B4GALT6: variants seen among roughly 807,000 people sequenced by gnomAD.
The protein encoded by B4GALT6 is beta-1,4-galactosyltransferase 6, also known as UDP-Gal:beta-GlcNAc beta-1,4-galactosyltransferase 6.
In B4GALT6, 14 loss-of-function variants were observed where a neutral mutation model predicts 46.3. That is an observed-to-expected ratio of 0.30 (90% CI 0.20 to 0.47). B4GALT6 has a LOEUF of 0.47. B4GALT6 is among the 20% of genes least tolerant of loss of function. The pLI, the probability that B4GALT6 is intolerant of heterozygous loss-of-function variation, is 0.99. For synonymous variants in B4GALT6, 168 were observed against 162.0 expected (o/e 1.04, Z -0.28); for missense variants, 386 against 480.1 (o/e 0.80, Z 1.83).
chr18:31,684,874 G>T (rs2074527480), upstream of B4GALT6, among the ~76,000 whole-genome samples: 3 of 149,876 alleles, frequency 2.0e-5, no homozygotes, highest in Non-Finnish European at 4.5e-5. Flanking sequence ...GCCCGGCGGG[G>T]TCCCGCCGCG....
At chr18:31,662,125 T>C (rs2074224597) in intron 2 of B4GALT6, among the ~76,000 whole-genome samples, 3 of 152,192 alleles carry the variant, frequency 2.0e-5, no homozygotes, top group Admixed American at 1.3e-4. Context: ...AATGACTGAA[T>C]CACAAGAGTA....
At chr18:31,628,733 C>T (rs1598863263) in intron 6 of B4GALT6, among the ~76,000 whole-genome samples, 1 of 152,170 alleles carries the variant, frequency 6.6e-6, no homozygotes, top group Admixed American at 6.5e-5. Flanking sequence ...CCAGACCAGG[C>T]CTTGATCTAC....
At chr18:31,664,313 T>C (rs538689156) in intron 2 of B4GALT6, among the ~76,000 whole-genome samples, 2 of 152,360 alleles carry the variant, frequency 1.3e-5, no homozygotes, top group East Asian at 1.9e-4. Context: ...GAAAGCCTCA[T>C]GTGTTTAAAC....
rs571922484 is a variant in B4GALT6 at position 31,657,790 on chromosome 18, C to A, written c.346+186G>T. Among the ~76,000 whole-genome samples, 3 of 152,218 alleles carry A rather than the reference C, an allele frequency of 2.0e-5. No homozygotes were observed. In the East Asian group the frequency reaches 5.8e-4, roughly 29 times the overall value. On this transcript the variant is annotated intron_variant, in intron 3 of 8. Coordinates refer to ENST00000306851, the MANE Select transcript of B4GALT6 (RefSeq NM_004775.5). ...TATTTTTCTTCAGCTTTTCAATCAT[C>A]CCCCTTCAAAATGCGCTTTGCCAAA...
chr18:31,699,090 A>G, the B4GALT6 span, among the ~76,000 whole-genome samples: 1 of 151,900 alleles, frequency 6.6e-6, no homozygotes, highest in Admixed American at 6.6e-5. Flanking sequence ...AAAAAAAAAA[A>G]AAAAGAAAGA....
upstream of B4GALT6, among the ~76,000 whole-genome samples, chr18:31,687,964 A>G (rs1247937638): frequency 1.3e-5 from 2 of 152,100 alleles, no homozygotes; most frequent in Non-Finnish European, 2.9e-5. Context: ...AAAAATATCT[A>G]ATTTTTTTCA....
chr18:31,710,039 G>A, the B4GALT6 span, among the ~76,000 whole-genome samples: 1,935 of 150,762 alleles, frequency 0.013, 12 homozygotes, highest in Middle Eastern at 0.034. Flanking sequence ...AGGTTGCAGT[G>A]AGCTGAGATC....
chr18:31,707,651 T>C, the B4GALT6 span, among the ~76,000 whole-genome samples: 1 of 152,212 alleles, frequency 6.6e-6, no homozygotes, highest in Non-Finnish European at 1.5e-5. Flanking sequence ...TAATCTTCCC[T>C]GACATTGTCA....
chr18:31,648,861 TA>T (rs1184836509), intron 3 of B4GALT6, among the ~76,000 whole-genome samples: 1 of 152,240 alleles, frequency 6.6e-6, no homozygotes, highest in East Asian at 1.9e-4. Flanking sequence ...TAGTTTTAAA[TA>T]ACTATTTCAT....
intron 2 of B4GALT6, among the ~76,000 whole-genome samples, chr18:31,659,949 CTTTT>C (rs35690268): frequency 4.9e-5 from 6 of 122,706 alleles, no homozygotes; most frequent in African/African-American, 9.9e-5. Context: ...GATTCTTTTC[CTTTT>C]TTTTTTTTTT....
chr18:31,706,393 G>A, the B4GALT6 span, among the ~76,000 whole-genome samples: 1 of 152,172 alleles, frequency 6.6e-6, no homozygotes, highest in Non-Finnish European at 1.5e-5. Context: ...CACTTTGGGA[G>A]GCCGAGGCAG....
chr18:31,684,409 C>T lies in B4GALT6; in HGVS notation c.18G>A (p.Arg6=), dbSNP rs2074517848. The change falls in exon 1 of 9, where the codon CGG becomes CGA. Residue 6 remains arginine (R), a synonymous_variant. Transcript: ENST00000306851. ...GAGAGCGATTGGAAACCCGCATCAT[C>T]CGCCTGAGCACAGACATCTTCCTCT... The part of the protein sequence containing the change: MSVLR[R]MMRVSNRSLL... 1 of 1,613,660 alleles carries T rather than the reference C, an allele frequency of 6.2e-7. No homozygotes were observed. Among genetic ancestry groups the T allele is most frequent in the Non-Finnish European group, 8.5e-7 (1 of 1,179,790 alleles).
chr18:31,652,834 C>T (rs1181722907), intron 3 of B4GALT6, among the ~76,000 whole-genome samples: 1 of 152,170 alleles, frequency 6.6e-6, no homozygotes, highest in African/African-American at 2.4e-5. Flanking sequence ...TGTTGCCCGT[C>T]GGCTTCCTGC....
intron 1 of B4GALT6, among the ~76,000 whole-genome samples, chr18:31,668,681 T>TGTTTAGA (rs2074311745): frequency 6.6e-6 from 1 of 152,086 alleles, no homozygotes; most frequent in Admixed American, 6.5e-5. Context: ...AAAGTTTGAA[T>TGTTTAGA]TGACTTCTCA....
intron 1 of B4GALT6, among the ~76,000 whole-genome samples, chr18:31,668,285 G>A (rs2074306584): frequency 6.6e-6 from 1 of 152,116 alleles, no homozygotes; most frequent in South Asian, 2.1e-4. Flanking sequence ...AAGATGGCCA[G>A]CAACAGAAAC....
chr18:31,710,130 G>A, the B4GALT6 span, among the ~76,000 whole-genome samples: 178 of 150,976 alleles, frequency 1.2e-3, 2 homozygotes, highest in East Asian at 0.033. Context: ...AATAAGAAAT[G>A]TGTTCATGAT....
chr18:31,653,406 T>A (rs2074098854), intron 3 of B4GALT6, among the ~76,000 whole-genome samples: 1 of 149,528 alleles, frequency 6.7e-6, no homozygotes, highest in African/African-American at 2.5e-5. Flanking sequence ...AACTGCTGTC[T>A]CCCTTTTGTC....
chr18:31,639,295 C>T (rs987207309), intron 4 of B4GALT6, among the ~76,000 whole-genome samples: 2 of 152,074 alleles, frequency 1.3e-5, no homozygotes, highest in African/African-American at 4.8e-5. Context: ...AGTAACGTCT[C>T]GGTTTTAGAG....
At chr18:31,636,825 T>C (rs1181520573) in intron 5 of B4GALT6, among the ~76,000 whole-genome samples, 1 of 152,254 alleles carries the variant, frequency 6.6e-6, no homozygotes, top group Non-Finnish European at 1.5e-5. Context: ...ATTTTTATTT[T>C]TATTTTTATT....
Sources: gnomAD v4.1 joint callset for allele counts (sites outside exome capture counted in the v4.1 genomes callset) on GRCh38, gnomAD v4.1.1 for gene constraint, MANE v1.5 for transcripts, NCBI Gene and HGNC (gene_info 2026-07-23, HGNC 2026-07-21) for gene names.